Variants in TP53INP1 observed in about 807,000 individuals in gnomAD.
The protein encoded by TP53INP1 is tumor protein p53-inducible nuclear protein 1.
A neutral mutation model predicts 21.0 loss-of-function variants in TP53INP1; 12 were observed. The observed-to-expected ratio is 0.57, with a 90% CI of 0.37 to 0.93. The LOEUF (loss-of-function observed/expected upper bound fraction) is 0.93, where lower values mean the gene tolerates loss of function less well. Ranked by LOEUF, TP53INP1 falls within the 40% of genes least tolerant of loss-of-function variation. TP53INP1 has a pLI of 0.01. For missense variants in TP53INP1, 274 were observed against 294.7 expected (o/e 0.93, Z 0.51); for synonymous variants, 91 against 94.8 (o/e 0.96, Z 0.23).
chr8:94,939,125 G>T (rs1263067959), intron 3 of TP53INP1, among the ~76,000 whole-genome samples: 1 of 152,166 alleles, frequency 6.6e-6, no homozygotes, highest in Admixed American at 6.5e-5. Context: ...GGAAGAAACT[G>T]AGTTTGTTAA....
At chr8:94,941,760 CTGTG>C (rs890995979) in intron 1 of TP53INP1, among the ~76,000 whole-genome samples, 4 of 152,164 alleles carry the variant, frequency 2.6e-5, no homozygotes, top group African/African-American at 7.2e-5. Context: ...TGCTCACTTG[CTGTG>C]TGAGTTAGGA....
At chr8:94,941,612 A>G (rs1821542277) in intron 1 of TP53INP1, among the ~76,000 whole-genome samples, 1 of 152,204 alleles carries the variant, frequency 6.6e-6, no homozygotes, top group African/African-American at 2.4e-5. Flanking sequence ...CTTCTAAACA[A>G]TTCCTACAGC....
chr8:94,932,498 T>C (rs534504449), intron 3 of TP53INP1, among the ~76,000 whole-genome samples: 2 of 152,346 alleles, frequency 1.3e-5, no homozygotes, highest in East Asian at 1.9e-4. Flanking sequence ...TTAGCAAGAC[T>C]TCCTTATAAG....
intron 3 of TP53INP1, among the ~76,000 whole-genome samples, chr8:94,933,865 G>T: frequency 6.8e-6 from 1 of 147,146 alleles, no homozygotes. Context: ...GAGGTCAGGA[G>T]TTCAAGACCA....
chr8:94,932,073 G>C, intron 3 of TP53INP1: 3 of 1,609,920 alleles, frequency 1.9e-6, no homozygotes, highest in Non-Finnish European at 2.5e-6. Context: ...TACTTACTCT[G>C]TGCCCGTGAG....
intron 3 of TP53INP1, among the ~76,000 whole-genome samples, chr8:94,938,530 A>C (rs1273521835): frequency 6.6e-6 from 1 of 152,238 alleles, no homozygotes; most frequent in Non-Finnish European, 1.5e-5. Context: ...ACCAAGTTAC[A>C]GTTGGGACTT....
chr8:94,932,621 G>A (rs1437059075), intron 3 of TP53INP1, among the ~76,000 whole-genome samples: 1 of 152,104 alleles, frequency 6.6e-6, no homozygotes, highest in African/African-American at 2.4e-5. Context: ...GGCTAAAACA[G>A]TGAAACCCCG....
chr8:94,934,159 AAC>A (rs1446706434), intron 3 of TP53INP1, among the ~76,000 whole-genome samples: 2 of 152,128 alleles, frequency 1.3e-5, no homozygotes, highest in Non-Finnish European at 2.9e-5. Context: ...GAAAAAAAAA[AAC>A]ACAATCTGGA....
intron 3 of TP53INP1, among the ~76,000 whole-genome samples, chr8:94,938,707 G>A (rs954614838): frequency 7.9e-5 from 12 of 152,338 alleles, no homozygotes; most frequent in South Asian, 2.1e-4. Context: ...GGAGGTTCCC[G>A]GAGGGTGGGG....
Position 94,930,484 on chromosome 8 carries a change from A to C in TP53INP1, c.718T>G (p.Tyr240Asp). The change falls in exon 4 of 4, where the codon TAC (tyrosine) becomes GAC (aspartate). Residue 240 changes from tyrosine to aspartate, a missense_variant. Coordinates refer to ENST00000342697, the MANE Select transcript of TP53INP1 (RefSeq NM_033285.4). ...VHQPCPRQYN[Y>D] ...ACCAACAAAACTTGAAACTATTAGTAATTGTACTGACGCGGGCAGGGCTGA... is the reference window on the plus strand; with the variant it reads ...ACCAACAAAACTTGAAACTATTAGTCATTGTACTGACGCGGGCAGGGCTGA... The C allele has an allele frequency of 2.2e-5, 36 of 1,614,192 alleles. No homozygotes were observed. Among genetic ancestry groups the C allele is most frequent in the Non-Finnish European group, 3.1e-5 (36 of 1,180,008 alleles).
chr8:94,942,657 G>A (rs999230470), intron 1 of TP53INP1, among the ~76,000 whole-genome samples: 1 of 152,218 alleles, frequency 6.6e-6, no homozygotes, highest in Non-Finnish European at 1.5e-5. Flanking sequence ...TGTGAACAGG[G>A]CCCTCCCACA....
rs1420761369 is a variant in TP53INP1, at chr8:94,930,219, C to A, written c.*260G>T. 2.3e-6 allele frequency: 1 copy of A among 442,978 alleles called. No homozygotes were observed. 27.4% of individuals were successfully genotyped at this position (442,978 alleles called of 1,614,324 possible). On this transcript the variant is annotated 3_prime_UTR_variant, in exon 4 of 4. Coordinates refer to ENST00000342697, the MANE Select transcript of TP53INP1 (RefSeq NM_033285.4). The stretch of plus-strand genomic sequence containing the variant: ...TATAACCTAATATATTTAAAGACAC[C>A]CCCAAACACTGTAATTATATTGATA...
In TP53INP1 at chr8:94,928,078, T is replaced by C. The variant is rs1352618126; in HGVS notation, c.*2401A>G. 1.3e-5 allele frequency: 2 copies of C among 152,174 alleles called. No homozygotes were observed. The highest frequency in any genetic ancestry group is 2.9e-5 in the Non-Finnish European group (2 of 68,040). 9.4% of individuals were successfully genotyped at this position (152,174 alleles called of 1,614,324 possible). A position where few individuals can be genotyped will look rare whatever the true frequency, so the allele number is the denominator to read the frequency against. ...TTATATAACCATTTTCTTCAATACTTACATGTGCCAATTTTAGGCAGAAAC... is the reference window on the plus strand; with the variant it reads ...TTATATAACCATTTTCTTCAATACTCACATGTGCCAATTTTAGGCAGAAAC... On this transcript the variant is annotated 3_prime_UTR_variant, in exon 4 of 4. Transcript: ENST00000342697.
At chr8:94,942,146 C>T (rs575556904) in intron 1 of TP53INP1, among the ~76,000 whole-genome samples, 1 of 152,098 alleles carries the variant, frequency 6.6e-6, no homozygotes, top group South Asian at 2.1e-4. Flanking sequence ...ACGCCATTCT[C>T]CTGCCTCAGC....
In TP53INP1 at chr8:94,940,791, C is replaced by T. The variant is rs561698862; in HGVS notation, c.112+39G>A. 1.3e-4 allele frequency: 186 copies of T among 1,481,482 alleles called. 1 individual carries two copies. The Middle Eastern group carries it at 1.3e-3, about 10-fold the overall frequency. 91.8% of individuals were successfully genotyped at this position (1,481,482 alleles called of 1,614,324 possible). A position where few individuals can be genotyped will look rare whatever the true frequency, so the allele number is the denominator to read the frequency against. ...ACTGAGATGCAAGTTTCCATTTTTA[C>T]TGTGAAGATGAACCACCAAGTAACC... On this transcript the variant is annotated intron_variant, in intron 2 of 3. Coordinates refer to ENST00000342697, the MANE Select transcript of TP53INP1 (RefSeq NM_033285.4).
chr8:94,930,755 TTAAA>T (rs1820317404), intron 3 of TP53INP1, 27 bp from the exon 4 acceptor site: 2 of 1,610,894 alleles, frequency 1.2e-6, no homozygotes, highest in East Asian at 4.5e-5. Flanking sequence ...TGGGGATGTA[TTAAA>T]TAACAGAGTA....
intron 3 of TP53INP1, among the ~76,000 whole-genome samples, chr8:94,931,364 T>C (rs1368113137): frequency 6.6e-6 from 1 of 152,200 alleles, no homozygotes; most frequent in East Asian, 1.9e-4. Flanking sequence ...CATTTTGAGA[T>C]GGTATTTACA....
In TP53INP1 at chr8:94,930,687, T is replaced by C. The variant is rs761569527; in HGVS notation, c.515A>G (p.Tyr172Cys). 8.1e-6 allele frequency: 13 copies of C among 1,614,220 alleles called. 1 individual carries two copies. The South Asian group carries it at 1.4e-4, about 18-fold the overall frequency. ...QNEMGQHIHCYVAALAAHTTF... is the reference protein window; with the variant it reads ...QNEMGQHIHCCVAALAAHTTF... ...TGTATGAGCAGCAAGAGCTGCAACA[T>C]AACAATGAATATGCTGCCCCATTTC... The change falls in exon 4 of 4, where the codon TAT becomes TGT. Residue 172 changes from tyrosine to cysteine, a missense_variant. Transcript: ENST00000342697.
intron 1 of TP53INP1, among the ~76,000 whole-genome samples, chr8:94,945,050 T>C (rs1198087643): frequency 1.3e-5 from 2 of 152,252 alleles, no homozygotes; most frequent in Admixed American, 6.5e-5. Context: ...ATGTGACTAG[T>C]ATCATCGAGA....
Sources: allele counts gnomAD v4.1 joint callset (sites outside exome capture counted in the v4.1 genomes callset), GRCh38; gene constraint gnomAD v4.1.1; transcripts MANE v1.5; gene names NCBI Gene and HGNC (gene_info 2026-07-23, HGNC 2026-07-21).